DLG2: variants seen among roughly 807,000 people sequenced by gnomAD.
DLG2 encodes disks large homolog 2.
In DLG2, 45 loss-of-function variants were observed where a neutral mutation model predicts 132.5. The observed-to-expected ratio is 0.34, with a 90% confidence interval of 0.27 to 0.44. The LOEUF is 0.44. DLG2 is among the 20% of genes least tolerant of loss of function. The pLI, the probability that DLG2 is intolerant of heterozygous loss-of-function variation, is 1.00. For synonymous variants in DLG2, 424 were observed against 419.6 expected, an observed-to-expected ratio of 1.01 and a Z score of -0.13; for missense variants, 1,045 against 1,196.9, an observed-to-expected ratio of 0.87 and a Z score of 1.87.
intron 3 of DLG2, among the ~76,000 whole-genome samples, chr11:85,553,013 C>G (rs1172161485): frequency 6.6e-6 from 1 of 151,470 alleles, no homozygotes; most frequent in Non-Finnish European, 1.5e-5. Context: ...TAAAAGCAAC[C>G]TCAGAGAAAT....
chr11:84,390,982 A>G (rs1377867585), intron 7 of DLG2, among the ~76,000 whole-genome samples: 1 of 152,136 alleles, frequency 6.6e-6, no homozygotes, highest in Non-Finnish European at 1.5e-5. Context: ...CAGTTTTAAG[A>G]GTCAGGCCTG....
intron 16 of DLG2, among the ~76,000 whole-genome samples, chr11:83,849,298 T>A (rs56414509): frequency 0.021 from 2,943 of 139,360 alleles, 89 homozygotes; most frequent in African/African-American, 0.083. Flanking sequence ...GGGAGATAAA[T>A]AAATATAAAT....
intron 7 of DLG2, among the ~76,000 whole-genome samples, chr11:84,310,456 A>G (rs2098275174): frequency 2.0e-5 from 3 of 152,218 alleles, no homozygotes; most frequent in African/African-American, 7.2e-5. Context: ...TGATTATGCA[A>G]TAAATATTGT....
At chr11:84,539,694 G>A (rs1726906056) in intron 6 of DLG2, among the ~76,000 whole-genome samples, 2 of 152,128 alleles carry the variant, frequency 1.3e-5, no homozygotes, top group Admixed American at 1.3e-4. Context: ...CTAACCATGA[G>A]CATGGAAGGT....
intron 6 of DLG2, among the ~76,000 whole-genome samples, chr11:84,741,786 C>T (rs2064717647): frequency 6.6e-6 from 1 of 151,976 alleles, no homozygotes; most frequent in Admixed American, 6.6e-5. Flanking sequence ...TCTAAAGGAA[C>T]ACAATAATCC....
intron 11 of DLG2, among the ~76,000 whole-genome samples, chr11:83,990,809 T>C (rs1166306596): frequency 1.3e-5 from 2 of 152,182 alleles, no homozygotes; most frequent in South Asian, 2.1e-4. Context: ...TAGGATCTGC[T>C]AGGTAAGGTG....
chr11:84,576,461 G>C (rs2099500337), intron 6 of DLG2, among the ~76,000 whole-genome samples: 2 of 152,226 alleles, frequency 1.3e-5, no homozygotes, highest in South Asian at 2.1e-4. Flanking sequence ...TCACTGAGGA[G>C]ATGATGATCA....
intron 6 of DLG2, among the ~76,000 whole-genome samples, chr11:84,655,595 C>A (rs1483733177): frequency 6.6e-6 from 1 of 152,116 alleles, no homozygotes; most frequent in Non-Finnish European, 1.5e-5. Flanking sequence ...GAAAGAACAT[C>A]AGGAATGAAA....
At chr11:83,984,535 A>G (rs2093090402) in intron 11 of DLG2, among the ~76,000 whole-genome samples, 1 of 152,152 alleles carries the variant, frequency 6.6e-6, no homozygotes, top group South Asian at 2.1e-4. Flanking sequence ...ACAGGTGGAA[A>G]TATCTATCTG....
chr11:84,777,305 A>G (rs1244660786), intron 6 of DLG2, among the ~76,000 whole-genome samples: 1 of 133,516 alleles, frequency 7.5e-6, no homozygotes, highest in Non-Finnish European at 1.6e-5. Flanking sequence ...ATATATATAT[A>G]TATATATATA....
chr11:85,437,313 A>G (rs769344169), intron 3 of DLG2, among the ~76,000 whole-genome samples: 1 of 150,166 alleles, frequency 6.7e-6, no homozygotes, highest in Non-Finnish European at 1.5e-5. Flanking sequence ...ACTTAAAGTA[A>G]AAAAAAAAAC....
At chr11:85,021,540 C>T (rs571740222) in intron 6 of DLG2, 11 of 1,587,612 alleles carry the variant, frequency 6.9e-6, no homozygotes, top group East Asian at 2.2e-5. Flanking sequence ...TGCCATACTT[C>T]GAAAAGATTG....
chr11:84,938,585 T>C (rs557226754), intron 6 of DLG2, among the ~76,000 whole-genome samples: 49 of 152,170 alleles, frequency 3.2e-4, no homozygotes, highest in Admixed American at 2.9e-3. Context: ...ACAGATTTAC[T>C]TAAATCCTTA....
At chr11:85,447,760 T>C (rs1404127410) in intron 3 of DLG2, among the ~76,000 whole-genome samples, 1 of 152,000 alleles carries the variant, frequency 6.6e-6, no homozygotes, top group Non-Finnish European at 1.5e-5. Context: ...GAAAAAAAAA[T>C]TATGAAAAGG....
chr11:83,493,036 T>C (rs963447497), intron 21 of DLG2, among the ~76,000 whole-genome samples: 1 of 152,128 alleles, frequency 6.6e-6, no homozygotes, highest in Admixed American at 6.6e-5. Flanking sequence ...ATAATCCAGC[T>C]CTAGCTACCA....
At chr11:85,195,207 C>T (rs1265771117) in intron 4 of DLG2, among the ~76,000 whole-genome samples, 1 of 152,050 alleles carries the variant, frequency 6.6e-6, no homozygotes, top group African/African-American at 2.4e-5. Flanking sequence ...GTAATCAGTA[C>T]GAATCTAGTT....
intron 3 of DLG2, among the ~76,000 whole-genome samples, chr11:85,561,631 T>G (rs954313710): frequency 6.6e-6 from 1 of 151,772 alleles, no homozygotes; most frequent in Non-Finnish European, 1.5e-5. Context: ...AAAAGTAGAC[T>G]TGTCAAATCA....
At chr11:83,968,678 G>A (rs2090727869) in intron 12 of DLG2, among the ~76,000 whole-genome samples, 1 of 152,088 alleles carries the variant, frequency 6.6e-6, no homozygotes, top group Non-Finnish European at 1.5e-5. Flanking sequence ...GATGAGAAAA[G>A]TGTGTCTCCA....
intron 4 of DLG2, among the ~76,000 whole-genome samples, chr11:85,259,667 T>C (rs2076841785): frequency 6.6e-6 from 1 of 151,872 alleles, no homozygotes; most frequent in African/African-American, 2.4e-5. Context: ...TCCCATCACC[T>C]GGACTCCTAT....
Sources: gnomAD v4.1 joint callset for allele counts (sites outside exome capture counted in the v4.1 genomes callset) on GRCh38, gnomAD v4.1.1 for gene constraint, MANE v1.5 for transcripts, NCBI Gene and HGNC (gene_info 2026-07-23, HGNC 2026-07-21) for gene names.